The following NACA variants were observed in gnomAD, a reference collection of about 807,000 sequenced individuals.
NACA encodes the protein nascent polypeptide-associated complex subunit alpha.
In NACA, 42 loss-of-function variants were observed where a neutral mutation model predicts 86.4. The observed-to-expected ratio is 0.49, with a 90% CI of 0.38 to 0.63. The LOEUF (loss-of-function observed/expected upper bound fraction) is 0.63, where lower values mean the gene tolerates loss of function less well. Among genes scored for constraint, NACA ranks in the 20% least tolerant of loss-of-function variants. The probability of loss-of-function intolerance (pLI) is 0.00; values close to 1 mark genes in which losing one functional copy is unlikely to be tolerated. For missense variants in NACA, 2,157 were observed against 2,483.6 expected, an observed-to-expected ratio of 0.87 and a Z score of 2.80; for synonymous variants, 898 against 973.7, an observed-to-expected ratio of 0.92 and a Z score of 1.45.
At chr12:56,713,947 T>C (rs560315478) in intron 5 of NACA, 2 of 429,184 alleles carry the variant, frequency 4.7e-6, no homozygotes, top group Admixed American at 3.9e-5. Flanking sequence ...GTTCAAGCAA[T>C]TGCCGTGCCT....
In NACA at chr12:56,722,516, C is replaced by T. The variant is rs575816096; in HGVS notation, c.71-1057G>A. Reference sequence around the variant, plus strand: ...CGACCTGACCAACATGGTGAAACCCCGTCTCTACTAAAAATACAAAAATTA... The same window carrying T: ...CGACCTGACCAACATGGTGAAACCCTGTCTCTACTAAAAATACAAAAATTA... On this transcript the variant is annotated intron_variant, in intron 2 of 8. Coordinates refer to ENST00000454682, the MANE Select transcript of NACA (RefSeq NM_001365896.1). Among the ~76,000 whole-genome samples, 11 of 152,172 alleles carry T rather than the reference C, an allele frequency of 7.2e-5. No individual in the cohort carries two copies. In the South Asian group the frequency reaches 2.3e-3, roughly 32 times the overall value.
At chr12:56,723,703 A>G (rs1953634671) in intron 2 of NACA, among the ~76,000 whole-genome samples, 1 of 152,348 alleles carries the variant, frequency 6.6e-6, no homozygotes, top group Admixed American at 6.5e-5. Flanking sequence ...TGAAAATTAC[A>G]GCCTGAAGAT....
Position 56,712,809 on chromosome 12 carries a change from T to C in NACA, c.6199A>G (p.Asn2067Asp). 1 of 1,614,208 alleles carries C rather than the reference T, an allele frequency of 6.2e-7. No homozygotes were observed. Among genetic ancestry groups the C allele is most frequent in the Non-Finnish European group, 8.5e-7 (1 of 1,180,034 alleles). ...ACCATAATCGCATTTACAATATCATTACTGTTGTTCTTCAGGGCTCGGACT... is the reference window on the plus strand; with the variant it reads ...ACCATAATCGCATTTACAATATCATCACTGTTGTTCTTCAGGGCTCGGACT... ...KAVRALKNNS[N>D]DIVNAIMELT... The change falls in exon 8 of 9, where the codon AAT becomes GAT. Residue 2067 changes from asparagine to aspartate, a missense_variant. Asn to Asp is a conservative substitution (Grantham distance 23). Coordinates refer to ENST00000454682, the MANE Select transcript of NACA (RefSeq NM_001365896.1).
At chr12:56,723,106 G>T (rs1456387635) in intron 2 of NACA, among the ~76,000 whole-genome samples, 2 of 152,076 alleles carry the variant, frequency 1.3e-5, no homozygotes, top group East Asian at 3.8e-4. Context: ...CTTCTGACTG[G>T]ACCTCAAATG....
intron 3 of NACA, 24 bp downstream of exon 3, chr12:56,715,847 C>G: frequency 1.3e-6 from 2 of 1,503,666 alleles, no homozygotes; most frequent in Non-Finnish European, 1.8e-6. Flanking sequence ...ACACACCATG[C>G]ACACGGCAAA....
chr12:56,720,280 CT>C lies in NACA; in HGVS notation c.1249del (p.Ser417AlafsTer11). 6.2e-7 allele frequency: 1 copy of C among 1,613,844 alleles called. No homozygotes were observed. The highest frequency in any genetic ancestry group is 1.6e-4 in the Middle Eastern group (1 of 6,062). ...ATAATGATAAGTGGCATTAGGAGAG[CT>C]TTTGAGAATGAGAGAGGTTGTAGGA... Reference protein sequence around the residue: ...LSPTTSLILKSSPNATYHYPL... With the variant: ...LSPTTSLILKXSPNATYHYPL... On this transcript the variant is annotated frameshift_variant, in exon 3 of 9. Coordinates refer to ENST00000454682, the MANE Select transcript of NACA (RefSeq NM_001365896.1). LOFTEE classifies it high-confidence loss of function.
rs150721914 is a variant in NACA at position 56,715,849 on chromosome 12, C to CA, written c.5659+21dup. The CA allele has an allele frequency of 6.4e-4, 966 of 1,504,540 alleles. 6 individuals carry two copies. In the African/African-American group the frequency reaches 0.012, roughly 19 times the overall value. 93.2% of individuals were successfully genotyped at this position (1,504,540 alleles called of 1,614,324 possible). On this transcript the variant is annotated intron_variant, in intron 3 of 8. Coordinates refer to ENST00000454682, the MANE Select transcript of NACA (RefSeq NM_001365896.1). Reference sequence around the variant, plus strand: ...GTGTGGACGACAGACACACCATGCACACGGCAAACCAAGGCAAATACCCTT... The same window carrying CA: ...GTGTGGACGACAGACACACCATGCACAACGGCAAACCAAGGCAAATACCCTT...
In NACA at chr12:56,716,554, C is replaced by CA. The variant is rs1349335545; in HGVS notation, c.4975dup (p.Cys1659LeufsTer2). The CA allele has an allele frequency of 4.1e-6, 6 of 1,465,226 alleles. No individual in the cohort carries two copies. Among genetic ancestry groups the CA allele is most frequent in the Non-Finnish European group, 5.5e-6 (6 of 1,084,026 alleles). 90.8% of individuals were successfully genotyped at this position (1,465,226 alleles called of 1,614,324 possible). On this transcript the variant is annotated frameshift_variant, in exon 3 of 9. Transcript: ENST00000454682. LOFTEE classifies it high-confidence loss of function. ...TTGAGGAACAGTGGCCCCCATTTTA[C>CA]ATGTGACAGAAGCTGGGGAAGTAGG...
intron 3 of NACA, 96 bp downstream of exon 3, chr12:56,715,775 G>A: frequency 9.1e-7 from 1 of 1,103,522 alleles, no homozygotes; most frequent in Non-Finnish European, 1.2e-6. Flanking sequence ...ATTCACTGGA[G>A]AAAGCGGCGC....
At position 56,719,483 on chromosome 12, in the gene NACA, A is replaced by G; in HGVS notation, c.2047T>C (p.Leu683=). The G allele has an allele frequency of 6.2e-7, 1 of 1,613,896 alleles. No individual in the cohort carries two copies. The highest frequency in any genetic ancestry group is 1.1e-5 in the South Asian group (1 of 91,072). ...TTAACTGGGTGGTTTTTAGGAGCTA[A>G]AGAGACAGTTCCTTCTAGAAAAGGG... ...ASPFLEGTVS[L]APKNHPVKEG... The change falls in exon 3 of 9, where the codon TTA becomes CTA. Residue 683 remains leucine, a synonymous_variant. Transcript: ENST00000454682.
chr12:56,718,361 G>C lies in NACA; in HGVS notation c.3169C>G (p.Pro1057Ala), dbSNP rs774517301. The change falls in exon 3 of 9, where the codon CCC becomes GCC. Residue 1057 changes from proline (P) to alanine (A), a missense_variant. Around this residue, in one of 8 missense-constraint regions of NACA, gnomAD observed 124 missense variants for 186.5 expected, o/e 0.66. Coordinates refer to ENST00000454682, the MANE Select transcript of NACA (RefSeq NM_001365896.1). ...GGAAGAGTTGCAGCTGGGGTTGTGG[G>C]GGCCCCTTTGGGGAGTGGGGTAGCT... ...PAATPLPKGA[P>A]TTPAATLPSP... 1 of 1,176,502 alleles carries C rather than the reference G, an allele frequency of 8.5e-7. No homozygotes were observed. The highest frequency in any genetic ancestry group is 4.2e-5 in the East Asian group (1 of 23,844). 72.9% of individuals were successfully genotyped at this position (1,176,502 alleles called of 1,614,324 possible).
Position 56,716,543 on chromosome 12 carries a change from C to T in NACA, c.4987G>A (p.Ala1663Thr). The stretch of plus-strand genomic sequence containing the variant: ...CCTTTAGATGCTTGAGGAACAGTGG[C>T]CCCCATTTTACATGTGACAGAAGCT... ...SPASVTCKMG[A>T]TVPQASKGLP... Residue 1663 changes from alanine (A) to threonine (T), a missense_variant, in exon 3 of 9, where the codon GCC becomes ACC. Ala to Thr is a moderately conservative substitution (Grantham distance 58). Transcript: ENST00000454682. 3.4e-6 allele frequency: 5 copies of T among 1,471,478 alleles called. No homozygotes were observed. The highest frequency in any genetic ancestry group is 3.7e-6 in the Non-Finnish European group (4 of 1,088,308). The allele number at this position is 1,471,478 out of a possible 1,614,324, so 91.2% of individuals were successfully genotyped here.
rs2958149 is a variant in NACA at position 56,716,008 on chromosome 12, A to G, written c.5522T>C (p.Leu1841Pro). Residue 1841 changes from leucine (L) to proline (P), a missense_variant, in exon 3 of 9, where the codon CTG becomes CCG. This residue lies in a region of NACA where 797 missense variants were observed against 777.6 expected (regional missense o/e 1.02). Transcript: ENST00000454682. ...GATTGGTTCCGGGGGAATCAGAGGC[A>G]GCAGCTCATCCTCATCAGCAGGGGC... ...PLAPADEDEL[L>P]PLIPPEPISG... is the part of the protein sequence containing the mutation. 1,186,820 of 1,594,626 alleles carry G rather than the reference A, an allele frequency of 0.74. 444,132 individuals carry two copies. The highest frequency in any genetic ancestry group is 0.9 in the African/African-American group (67,328 of 74,496).
At position 56,718,240 on chromosome 12, in the gene NACA, G is replaced by A; in HGVS notation, c.3290C>T (p.Pro1097Leu). The A allele has an allele frequency of 1.7e-6, 2 of 1,144,162 alleles. No individual in the cohort carries two copies. Among genetic ancestry groups the A allele is most frequent in the Non-Finnish European group, 2.2e-6 (2 of 915,150 alleles). 70.9% of individuals were successfully genotyped at this position (1,144,162 alleles called of 1,614,324 possible). ...GGGCATGGGGGCCCCTTTGGGGGAT[G>A]GGGTAGCTGGGCCTCCTTTTGGGGA... ...PPSPKGGPAT[P>L]SPKGAPMPPA... Residue 1097 changes from proline to leucine, a missense_variant, in exon 3 of 9, where the codon CCA becomes CTA. Around this residue, in one of 8 missense-constraint regions of NACA, gnomAD observed 124 missense variants for 186.5 expected, o/e 0.66. Transcript: ENST00000454682.
chr12:56,723,478 T>C (rs561780660), intron 2 of NACA, among the ~76,000 whole-genome samples: 1 of 152,292 alleles, frequency 6.6e-6, no homozygotes, highest in South Asian at 2.1e-4. Flanking sequence ...CTTAAGCCCC[T>C]TGTACTTCAA....
At chr12:56,715,104 G>GT (rs1953316368) in intron 3 of NACA, among the ~76,000 whole-genome samples, 1 of 152,280 alleles carries the variant, frequency 6.6e-6, no homozygotes, top group South Asian at 2.1e-4. Flanking sequence ...AAATCACACC[G>GT]TGGAGGCACA....
chr12:56,719,111 T>G lies in NACA; in HGVS notation c.2419A>C (p.Arg807=). 6.9e-7 allele frequency: 1 copy of G among 1,453,518 alleles called. No homozygotes were observed. Among genetic ancestry groups the G allele is most frequent in the East Asian group, 3.0e-5 (1 of 33,488 alleles). The allele number at this position is 1,453,518 out of a possible 1,614,324, so 90.0% of individuals were successfully genotyped here. A position where few individuals can be genotyped will look rare whatever the true frequency, so the allele number is the denominator to read the frequency against. Residue 807 remains arginine, a synonymous_variant, in exon 3 of 9, where the codon AGA becomes CGA. Coordinates refer to ENST00000454682, the MANE Select transcript of NACA (RefSeq NM_001365896.1). ...LGVSVSPQTK[R]PPTKKGSAGP... is the part of the protein sequence containing the mutation. ...GCAGAACCCTTCTTGGTTGGAGGTCTTTTAGTCTGAGGAGACACACTAACC... is the reference window on the plus strand; with the variant it reads ...GCAGAACCCTTCTTGGTTGGAGGTCGTTTAGTCTGAGGAGACACACTAACC...
Position 56,718,774 on chromosome 12 carries a change from T to G in NACA, c.2756A>C (p.Lys919Thr), listed in dbSNP as rs769114671. ...AGGGGCTGGAGTTGCTCGGGCCTTT[T>G]TGGGGGAGGAAGAAGTCATGGATAG... Reference protein sequence around the residue: ...PALSMTSSSPKKARATPAPKG... With the variant: ...PALSMTSSSPTKARATPAPKG... The change falls in exon 3 of 9, where the codon AAA becomes ACA. Residue 919 changes from lysine to threonine, a missense_variant. Transcript: ENST00000454682. The G allele has an allele frequency of 3.5e-6, 5 of 1,444,172 alleles. No individual in the cohort carries two copies. The highest frequency in any genetic ancestry group is 2.8e-6 in the Non-Finnish European group (3 of 1,070,496). 89.5% of individuals were successfully genotyped at this position (1,444,172 alleles called of 1,614,324 possible).
intron 1 of NACA, chr12:56,724,877 G>A: frequency 3.9e-6 from 1 of 253,640 alleles, no homozygotes; most frequent in Non-Finnish European, 7.7e-6. Context: ...TGGGGTACCA[G>A]GAGGGGAAAG....
Sources: allele counts gnomAD v4.1 joint callset (sites outside exome capture counted in the v4.1 genomes callset), GRCh38; gene constraint gnomAD v4.1.1; regional missense constraint gnomAD v4.1.1; transcripts MANE v1.5; gene names NCBI Gene and HGNC (gene_info 2026-07-23, HGNC 2026-07-21).